PMS1: variants seen among roughly 807,000 people sequenced by gnomAD.
The protein encoded by PMS1 is PMS1 protein homolog 1.
Under a neutral mutation model 93.1 loss-of-function variants are expected in PMS1, and 79 were observed. The observed-to-expected ratio is 0.85, with a 90% CI of 0.71 to 1.02. The LOEUF is 1.02. Among genes scored for constraint, PMS1 ranks in the 50% least tolerant of loss-of-function variants. PMS1 has a pLI of 0.00. For synonymous variants in PMS1, 335 were observed against 363.4 expected (o/e 0.92, Z 0.89); for missense variants, 1,064 against 1,085.3 (o/e 0.98, Z 0.28).
Position 189,854,442 on chromosome 2 carries a change from C to G in PMS1, c.1170C>G (p.Phe390Leu), listed in dbSNP as rs767757337. 2 of 1,609,924 alleles carry G rather than the reference C, an allele frequency of 1.2e-6. No homozygotes were observed. The highest frequency in any genetic ancestry group is 1.1e-5 in the South Asian group (1 of 90,656). ...YSNVDTSVIP[F>L]QNDMHNDESG... ...ATGTTGATACTTCAGTCATTCCATT[C>G]CAAAATGATATGCATAATGATGAAT... Residue 390 changes from phenylalanine (F) to leucine (L), a missense_variant, in exon 9 of 13, where the codon TTC (phenylalanine) becomes TTG (leucine). Transcript: ENST00000441310.
chr2:189,812,304 A>G (rs981893700), intron 4 of PMS1, among the ~76,000 whole-genome samples: 1 of 152,216 alleles, frequency 6.6e-6, no homozygotes, highest in African/African-American at 2.4e-5. Context: ...CTCAAATGAA[A>G]CAAAACAAAA....
In PMS1 at chr2:189,863,825, C is replaced by T; in HGVS notation, c.1939C>T (p.Leu647=). Residue 647 remains leucine, a synonymous_variant, in exon 10 of 13, where the codon CTA becomes TTA. Coordinates refer to ENST00000441310, the MANE Select transcript of PMS1 (RefSeq NM_000534.5). The part of the protein sequence containing the change: ...RAIEQESQMS[L]KDGRKKIKPT... ...CATTGAACAGGAGTCACAAATGTCA[C>T]TAAAAGATGGCAGAAAAAAGATAAA... is the stretch of plus-strand genomic sequence containing the variant. The T allele has an allele frequency of 4.3e-6, 7 of 1,613,926 alleles. No individual in the cohort carries two copies. The highest frequency in any genetic ancestry group is 5.9e-6 in the Non-Finnish European group (7 of 1,179,932).
intron 5 of PMS1, among the ~76,000 whole-genome samples, chr2:189,841,993 T>G (rs1287838033): frequency 1.3e-5 from 2 of 151,202 alleles, no homozygotes; most frequent in Non-Finnish European, 2.9e-5. Context: ...AGTTTCCTGG[T>G]CAAATGTGTC....
chr2:189,809,443 ATTTCTTTTT>A (rs2050630641), intron 4 of PMS1, among the ~76,000 whole-genome samples: 1 of 29,490 alleles, frequency 3.4e-5, no homozygotes, highest in Non-Finnish European at 6.9e-5. Flanking sequence ...AAGGAAGCAC[ATTTCTTTTT>A]TTTTTTTTTT....
chr2:189,828,204 G>A (rs185806328), intron 5 of PMS1, among the ~76,000 whole-genome samples: 16 of 152,226 alleles, frequency 1.1e-4, no homozygotes, highest in Admixed American at 3.3e-4. Flanking sequence ...GATTACAGGC[G>A]TGAGCCACTG....
intron 4 of PMS1, among the ~76,000 whole-genome samples, chr2:189,817,774 A>T (rs2051454227): frequency 6.6e-6 from 1 of 152,218 alleles, no homozygotes; most frequent in Non-Finnish European, 1.5e-5. Flanking sequence ...ACGCAGTGAT[A>T]GAAGTAAGAT....
chr2:189,816,163 T>C (rs909832297), intron 4 of PMS1, among the ~76,000 whole-genome samples: 1 of 152,198 alleles, frequency 6.6e-6, no homozygotes, highest in African/African-American at 2.4e-5. Context: ...TCCCAAGTAG[T>C]TGGGATTATA....
At chr2:189,785,949 AC>A (rs2048300399) in intron 1 of PMS1, among the ~76,000 whole-genome samples, 1 of 152,028 alleles carries the variant, frequency 6.6e-6, no homozygotes, top group Admixed American at 6.5e-5. Context: ...ACATGGTGAA[AC>A]CCTGTCTCTA....
intron 4 of PMS1, among the ~76,000 whole-genome samples, chr2:189,814,314 C>A (rs536017480): frequency 2.0e-5 from 3 of 151,212 alleles, no homozygotes; most frequent in East Asian, 1.9e-4. Flanking sequence ...AAGACCCCCC[C>A]CCAAAAAAAA....
chr2:189,866,710 CA>C (rs1466384136), intron 10 of PMS1, among the ~76,000 whole-genome samples: 1 of 152,160 alleles, frequency 6.6e-6, no homozygotes, highest in Non-Finnish European at 1.5e-5. Flanking sequence ...ATCTTCACAT[CA>C]ACTTTATGAG....
chr2:189,817,317 C>T (rs1045134770), intron 4 of PMS1, among the ~76,000 whole-genome samples: 10 of 152,216 alleles, frequency 6.6e-5, no homozygotes, highest in Non-Finnish European at 1.0e-4. Flanking sequence ...CTCAGATTAA[C>T]TGGTGACTAG....
chr2:189,792,688 AATATATAT>A (rs3067428), intron 2 of PMS1, among the ~76,000 whole-genome samples: 2,889 of 127,256 alleles, frequency 0.023, 49 homozygotes, highest in Middle Eastern at 0.054. Flanking sequence ...TATGGACACA[AATATATAT>A]ATATATATAT....
intron 5 of PMS1, among the ~76,000 whole-genome samples, chr2:189,836,284 G>C (rs2053378175): frequency 6.6e-6 from 1 of 152,166 alleles, no homozygotes; most frequent in Admixed American, 6.5e-5. Flanking sequence ...ACCTAAGATG[G>C]TGTGCATGTA....
chr2:189,790,564 C>G lies in PMS1; in HGVS notation c.-20-1226C>G, dbSNP rs558779377. ...TCTCAAAAGTACCTGGGCCCAGTTA[C>G]TTACTCAGCTTTCAGCCTCTTAAAT... On this transcript the variant is annotated intron_variant, in intron 1 of 12. Coordinates refer to ENST00000441310, the MANE Select transcript of PMS1 (RefSeq NM_000534.5). Among the ~76,000 whole-genome samples, 8 of 152,286 alleles carry G rather than the reference C, an allele frequency of 5.3e-5. No individual in the cohort carries two copies. In the East Asian group the frequency reaches 1.5e-3, roughly 29 times the overall value.
chr2:189,873,611 GGAAGTTTAT>G lies in PMS1; in HGVS notation c.2593_2601del (p.Val865_Glu867del). The G allele has an allele frequency of 6.2e-7, 1 of 1,606,856 alleles. No homozygotes were observed. Among genetic ancestry groups the G allele is most frequent in the Non-Finnish European group, 8.5e-7 (1 of 1,173,486 alleles). On this transcript the variant is annotated inframe_deletion, in exon 12 of 13. Transcript: ENST00000441310. ...ATGCTATATTAAACAGAAATGCAAA[GGAAGTTTAT>G]GAATGTAGACCTCGCAAAGTGATAA...
At chr2:189,827,350 A>C (rs1390173564) in intron 5 of PMS1, among the ~76,000 whole-genome samples, 1 of 152,210 alleles carries the variant, frequency 6.6e-6, no homozygotes, top group African/African-American at 2.4e-5. Flanking sequence ...TAGGCCAATG[A>C]AAGTCAATGA....
At chr2:189,849,710 G>A (rs935927284) in intron 6 of PMS1, among the ~76,000 whole-genome samples, 3 of 151,990 alleles carry the variant, frequency 2.0e-5, no homozygotes, top group African/African-American at 7.3e-5. Context: ...TTTGACACCA[G>A]GTATCATATT....
intron 5 of PMS1, among the ~76,000 whole-genome samples, chr2:189,832,481 A>G (rs1237189150): frequency 4.0e-5 from 6 of 150,910 alleles, no homozygotes; most frequent in African/African-American, 1.5e-4. Flanking sequence ...TTTTTTTTTT[A>G]TTGAGATGGA....
chr2:189,797,235 A>G (rs182429742), intron 3 of PMS1, among the ~76,000 whole-genome samples: 3 of 152,312 alleles, frequency 2.0e-5, no homozygotes, highest in African/African-American at 4.8e-5. Context: ...GACTTGGTCT[A>G]AACCTTAACT....
Sources: allele counts gnomAD v4.1 joint callset (sites outside exome capture counted in the v4.1 genomes callset), GRCh38; gene constraint gnomAD v4.1.1; transcripts MANE v1.5; gene names NCBI Gene and HGNC (gene_info 2026-07-23, HGNC 2026-07-21).